SH3GL1: variants seen among roughly 807,000 people sequenced by gnomAD.
SH3GL1 encodes SH3 domain containing GRB2 like 1, endophilin A2, also known as endophilin-A2.
A neutral mutation model predicts 48.8 loss-of-function variants in SH3GL1; 21 were observed. The ratio of observed to expected loss-of-function variants is 0.43; its 90% CI spans 0.30 to 0.62. SH3GL1 has a LOEUF of 0.62. SH3GL1 is among the 20% of genes least tolerant of loss of function. The probability of loss-of-function intolerance (pLI) is 0.11; values close to 1 mark genes in which losing one functional copy is unlikely to be tolerated. For synonymous variants in SH3GL1, 282 were observed against 217.5 expected, an observed-to-expected ratio of 1.30 and a Z score of -2.61; for missense variants, 454 against 503.0, an observed-to-expected ratio of 0.90 and a Z score of 0.93.
intron 1 of SH3GL1, among the ~76,000 whole-genome samples, chr19:4,384,442 GGTT>G (rs1452191850): frequency 3.9e-5 from 6 of 152,216 alleles, no homozygotes; most frequent in Non-Finnish European, 5.9e-5. Flanking sequence ...AAATTGAACA[GGTT>G]GTTTTTTTCC....
intron 1 of SH3GL1, among the ~76,000 whole-genome samples, chr19:4,377,732 A>G (rs1973038248): frequency 6.6e-6 from 1 of 152,170 alleles, no homozygotes; most frequent in Non-Finnish European, 1.5e-5. Context: ...CTGGCCGCTC[A>G]GAGGCACTGC....
chr19:4,398,156 T>G (rs1973457365), intron 1 of SH3GL1, among the ~76,000 whole-genome samples: 1 of 152,062 alleles, frequency 6.6e-6, no homozygotes, highest in African/African-American at 2.4e-5. Context: ...GGTCCTTACT[T>G]TTTTCTTTCC....
At chr19:4,366,744 G>A (rs1044973684) in intron 2 of SH3GL1, among the ~76,000 whole-genome samples, 171 bp from the exon 3 acceptor site, 3 of 152,014 alleles carry the variant, frequency 2.0e-5, no homozygotes, top group Non-Finnish European at 2.9e-5. Flanking sequence ...CACGGCAGGG[G>A]AGAGAGCTGG....
chr19:4,363,023 A>C lies in SH3GL1; in HGVS notation c.729-287T>G, dbSNP rs148414758. ...GTCGCATCCCCTGCCTCCTCCCCCAATTCCCCACCACGGACGGCGCCCCAC... is the reference window on the plus strand; with the variant it reads ...GTCGCATCCCCTGCCTCCTCCCCCACTTCCCCACCACGGACGGCGCCCCAC... On this transcript the variant is annotated intron_variant, in intron 7 of 9. Transcript: ENST00000269886. 2.5e-3 allele frequency among the ~76,000 whole-genome samples: 386 copies of C among 152,136 alleles called. 2 individuals are homozygous for C. The highest frequency in any genetic ancestry group is 8.9e-3 in the African/African-American group (370 of 41,494).
chr19:4,362,538 C>T lies in SH3GL1; in HGVS notation c.853+74G>A, dbSNP rs1972649690. 3.1e-6 allele frequency: 5 copies of T among 1,604,130 alleles called. No individual in the cohort carries two copies. In the South Asian group the frequency reaches 3.3e-5, roughly 11 times the overall value. On this transcript the variant is annotated intron_variant, in intron 8 of 9. Coordinates refer to ENST00000269886, the MANE Select transcript of SH3GL1 (RefSeq NM_003025.4). ...CCCAGGAGTCTGGCGCTCAGAGACC[C>T]AGGACAGGGCCAGCCCTTGGCCACT...
At position 4,367,037 on chromosome 19, in the gene SH3GL1, G is replaced by A; in HGVS notation, c.46-43C>T. The stretch of plus-strand genomic sequence containing the variant: ...GGAAACGCTGTGAGCCCAGGGGTAG[G>A]AGGAAGAAGAGGACAGGAGGCCCTG... On this transcript the variant is annotated intron_variant, in intron 1 of 9. Transcript: ENST00000269886. This position sits in a 1 kb window ranked among gnomAD's most constrained non-coding sequence, Gnocchi z 4.2. 6.3e-7 allele frequency: 1 copy of A among 1,577,552 alleles called. No homozygotes were observed. Among genetic ancestry groups the A allele is most frequent in the Non-Finnish European group, 8.7e-7 (1 of 1,146,866 alleles).
At chr19:4,370,307 C>T (rs1428323508) in intron 1 of SH3GL1, among the ~76,000 whole-genome samples, 2 of 152,238 alleles carry the variant, frequency 1.3e-5, no homozygotes, top group East Asian at 3.8e-4. Flanking sequence ...GTAGCCCTGA[C>T]TAGTGCAGCG....
Position 4,361,268 on chromosome 19 carries a change from T to C in SH3GL1, c.*332A>G, listed in dbSNP as rs889834012. On this transcript the variant is annotated 3_prime_UTR_variant, in exon 10 of 10. Coordinates refer to ENST00000269886, the MANE Select transcript of SH3GL1 (RefSeq NM_003025.4). Reference sequence around the variant, plus strand: ...GGTGGGGGCTGCCCCAGAGGAACATTAGTGTTTCTAAGAGCACCTTAGTGT... The same window carrying C: ...GGTGGGGGCTGCCCCAGAGGAACATCAGTGTTTCTAAGAGCACCTTAGTGT... 1 of 396,218 alleles carries C rather than the reference T, an allele frequency of 2.5e-6. No homozygotes were observed. Among genetic ancestry groups the C allele is most frequent in the African/African-American group, 2.0e-5 (1 of 49,194 alleles). 24.5% of individuals were successfully genotyped at this position (396,218 alleles called of 1,614,324 possible).
intron 1 of SH3GL1, among the ~76,000 whole-genome samples, chr19:4,382,189 C>T (rs766206028): frequency 1.6e-4 from 24 of 151,710 alleles, no homozygotes; most frequent in Non-Finnish European, 2.8e-4. Context: ...CAACAGCTAT[C>T]TCTTGTTCTC....
intron 1 of SH3GL1, among the ~76,000 whole-genome samples, chr19:4,380,914 C>A (rs1973107750): frequency 6.6e-6 from 1 of 152,116 alleles, no homozygotes; most frequent in Non-Finnish European, 1.5e-5. Context: ...TGGATGGAAC[C>A]CCAGCTCTTA....
In SH3GL1 at chr19:4,389,342, C is replaced by A. The variant is rs923208590; in HGVS notation, c.45+10982G>T. On this transcript the variant is annotated intron_variant, in intron 1 of 9. Coordinates refer to ENST00000269886, the MANE Select transcript of SH3GL1 (RefSeq NM_003025.4). This position sits in a 1 kb window ranked among gnomAD's most constrained non-coding sequence, Gnocchi z 4.5. ...AGAACTCAGTTCCCACATGCATCCC[C>A]GGAAGATGCCAAGGATAAGGGGAGA... is the stretch of plus-strand genomic sequence containing the variant. Among the ~76,000 whole-genome samples the A allele has an allele frequency of 6.6e-6, 1 of 152,124 alleles. No individual in the cohort carries two copies. Among genetic ancestry groups the A allele is most frequent in the Non-Finnish European group, 1.5e-5 (1 of 68,020 alleles).
In SH3GL1 at chr19:4,365,513, G is replaced by A. The variant is rs777405786; in HGVS notation, c.300C>T (p.His100=). The A allele has an allele frequency of 1.2e-5, 19 of 1,613,972 alleles. No individual in the cohort carries two copies. In the Middle Eastern group the frequency reaches 6.6e-4, roughly 56 times the overall value. The change falls in exon 4 of 10, where the codon CAC becomes CAT. Residue 100 remains histidine (H), a synonymous_variant. Coordinates refer to ENST00000269886, the MANE Select transcript of SH3GL1 (RefSeq NM_003025.4). ...EGLLGECMIR[H]GKELGGESNF... ...TGGACTCGCCGCCCAGCTCCTTCCC[G>A]TGGCGGATCATGCACTCGCCCAGAA...
intron 1 of SH3GL1, among the ~76,000 whole-genome samples, chr19:4,395,038 C>G (rs1042643503): frequency 6.6e-6 from 1 of 152,266 alleles, no homozygotes; most frequent in South Asian, 2.1e-4. Context: ...TTCAGGAGCC[C>G]CGATGCCTGT....
chr19:4,366,767 C>T (rs958719135), intron 2 of SH3GL1, among the ~76,000 whole-genome samples, 159 bp downstream of exon 2: 2 of 152,040 alleles, frequency 1.3e-5, no homozygotes, highest in South Asian at 2.1e-4. Context: ...CCCGTCAAGT[C>T]CAGCTGACGA....
intron 1 of SH3GL1, among the ~76,000 whole-genome samples, chr19:4,375,663 T>C (rs1158119316): frequency 6.6e-6 from 1 of 152,248 alleles, no homozygotes. Flanking sequence ...CACATCTACA[T>C]GAAAATCAGC....
rs905826059 is a variant in SH3GL1 at position 4,362,517 on chromosome 19, G to A, written c.853+95C>T. 4 of 1,588,310 alleles carry A rather than the reference G, an allele frequency of 2.5e-6. No individual in the cohort carries two copies. In the Admixed American group the frequency reaches 7.1e-5, roughly 28 times the overall value. On this transcript the variant is annotated intron_variant, in intron 8 of 9. Transcript: ENST00000269886. ...GGAGCACGGCTGAGAGCTGCACCCAGGAGTCTGGCGCTCAGAGACCCAGGA... is the reference window on the plus strand; with the variant it reads ...GGAGCACGGCTGAGAGCTGCACCCAAGAGTCTGGCGCTCAGAGACCCAGGA...
At chr19:4,370,697 C>T (rs1368629445) in intron 1 of SH3GL1, among the ~76,000 whole-genome samples, 2 of 152,214 alleles carry the variant, frequency 1.3e-5, no homozygotes, top group South Asian at 2.1e-4. Context: ...AAGACTCTGC[C>T]CCTGCTTCAG....
At chr19:4,398,358 T>C (rs1331318134) in intron 1 of SH3GL1, among the ~76,000 whole-genome samples, 3 of 151,502 alleles carry the variant, frequency 2.0e-5, no homozygotes, top group Non-Finnish European at 4.4e-5. Context: ...CACGGACCAA[T>C]AGGATTCAAC....
At chr19:4,361,901 C>CCA in intron 9 of SH3GL1, 105 bp from the exon 10 acceptor site, 2 of 819,510 alleles carry the variant, frequency 2.4e-6, no homozygotes, top group South Asian at 1.6e-5. Flanking sequence ...GGGCATGGGC[C>CCA]TCCCCTCTGC....
Sources: gnomAD v4.1 joint callset for allele counts (sites outside exome capture counted in the v4.1 genomes callset) on GRCh38, gnomAD v4.1.1 for gene constraint, Gnocchi (gnomAD v3.1) non-coding constraint, MANE v1.5 for transcripts, NCBI Gene and HGNC (gene_info 2026-07-23, HGNC 2026-07-21) for gene names.